C5: variants seen among roughly 807,000 people sequenced by gnomAD.
C5 encodes the protein C3 and PZP-like alpha-2-macroglobulin domain-containing protein 4.
C5 carries 140 observed loss-of-function variants against 218.8 expected under a neutral mutation model. The observed-to-expected ratio is 0.64, with a 90% CI of 0.56 to 0.74. The LOEUF (loss-of-function observed/expected upper bound fraction) is 0.74, where lower values mean the gene tolerates loss of function less well. Ranked by LOEUF, C5 falls within the 30% of genes least tolerant of loss-of-function variation. C5 has a pLI of 0.00. For synonymous variants in C5, 614 were observed against 682.3 expected, an observed-to-expected ratio of 0.90 and a Z score of 1.56; for missense variants, 1,700 against 1,969.6, an observed-to-expected ratio of 0.86 and a Z score of 2.59.
chr9:121,036,882 GT>G (rs199841708), intron 4 of C5, among the ~76,000 whole-genome samples: 15 of 147,644 alleles, frequency 1.0e-4, no homozygotes, highest in South Asian at 2.1e-4. Flanking sequence ...TTATTTTTTG[GT>G]TTTTTTTTTG....
the C5 span, chr9:121,074,662 G>A: frequency 2.7e-6 from 1 of 375,638 alleles, no homozygotes; most frequent in Non-Finnish European, 5.3e-6. Context: ...AGAGGGTGGC[G>A]GCGGCAGCTT....
chr9:120,990,431 T>C (rs2047068587), intron 23 of C5, among the ~76,000 whole-genome samples: 2 of 152,226 alleles, frequency 1.3e-5, no homozygotes, highest in Admixed American at 6.5e-5. Flanking sequence ...TGTATATGTC[T>C]CTCCAAAATT....
chr9:121,072,241 C>G, the C5 span, among the ~76,000 whole-genome samples: 34 of 152,068 alleles, frequency 2.2e-4, no homozygotes, highest in Non-Finnish European at 4.3e-4. Context: ...TTTGCGCCAC[C>G]CTCTGGACTT....
At chr9:120,975,266 G>A (rs985236009) in intron 29 of C5, among the ~76,000 whole-genome samples, 10 of 152,114 alleles carry the variant, frequency 6.6e-5, no homozygotes, top group Non-Finnish European at 1.5e-4. Flanking sequence ...CTGACCTTAA[G>A]TATCTCCACA....
intron 5 of C5, among the ~76,000 whole-genome samples, chr9:121,034,574 A>G (rs2047506819): frequency 6.6e-6 from 1 of 152,072 alleles, no homozygotes; most frequent in African/African-American, 2.4e-5. Context: ...CCTGGGTACT[A>G]TTTTTTCCTC....
In C5 at chr9:121,027,188, AT is replaced by A; in HGVS notation, c.844del (p.Met282Ter). ...REDLKDDQKE[M>X]MQTAMQNTML... is the part of the protein sequence containing the mutation. ...TGTGTTTTGCATTGCTGTTTGCATC[AT>A]TTCTTTTTGATCATCTTTTAAGTCT... On this transcript the variant is annotated frameshift_variant, in exon 8 of 41. Coordinates refer to ENST00000223642, the MANE Select transcript of C5 (RefSeq NM_001735.3). LOFTEE classifies it high-confidence loss of function. The A allele has an allele frequency of 6.3e-7, 1 of 1,596,696 alleles. No individual in the cohort carries two copies. The highest frequency in any genetic ancestry group is 8.6e-7 in the Non-Finnish European group (1 of 1,166,660).
At chr9:121,051,001 CAT>C (rs146166893), upstream of C5, among the ~76,000 whole-genome samples, 29 of 151,988 alleles carry the variant, frequency 1.9e-4, no homozygotes, top group East Asian at 2.7e-3. Flanking sequence ...AAAGAAAACA[CAT>C]GTTATACTTT....
intron 28 of C5, among the ~76,000 whole-genome samples, chr9:120,979,264 T>C (rs991053961): frequency 6.6e-6 from 1 of 152,206 alleles, no homozygotes; most frequent in Non-Finnish European, 1.5e-5. Flanking sequence ...AGGAATTGCT[T>C]CTTCACCTCC....
At chr9:121,068,124 C>T in the C5 span, among the ~76,000 whole-genome samples, 1 of 151,956 alleles carries the variant, frequency 6.6e-6, no homozygotes, top group Non-Finnish European at 1.5e-5. Flanking sequence ...ATTGGAAGAA[C>T]TAGCAAGTGC....
At chr9:121,002,238 GTATA>G (rs1369875646) in intron 20 of C5, among the ~76,000 whole-genome samples, 3 of 58,590 alleles carry the variant, frequency 5.1e-5, no homozygotes, top group Middle Eastern at 0.012. Context: ...ATGTATATAT[GTATA>G]TGTATATATA....
chr9:120,964,374 G>A (rs1237055574), intron 33 of C5, among the ~76,000 whole-genome samples: 1 of 152,148 alleles, frequency 6.6e-6, no homozygotes, highest in Non-Finnish European at 1.5e-5. Flanking sequence ...CTAACTACAG[G>A]AGAATTGCTT....
chr9:120,984,714 CTTTTTTTTTTTTT>C (rs149222003), intron 25 of C5, among the ~76,000 whole-genome samples: 3 of 69,212 alleles, frequency 4.3e-5, no homozygotes, highest in Admixed American at 4.2e-4. Flanking sequence ...TAAGCTCTTA[CTTTTTTTTTTTTT>C]TTTTTTTTTT....
intron 30 of C5, among the ~76,000 whole-genome samples, chr9:120,973,134 C>G (rs982975656): frequency 3.3e-5 from 5 of 152,146 alleles, no homozygotes; most frequent in African/African-American, 1.2e-4. Context: ...TTTCATGGAA[C>G]ACATTTCAGG....
chr9:120,981,952 A>G lies in C5; in HGVS notation c.3391-13T>C, dbSNP rs1438177822. On this transcript the variant is annotated splice_polypyrimidine_tract_variant and intron_variant, in intron 26 of 40. Coordinates refer to ENST00000223642, the MANE Select transcript of C5 (RefSeq NM_001735.3). Reference sequence around the variant, plus strand: ...CAGGCAAGGTACCCTAAAAAGAAGCAATGTTTTAAAAGGGGAGTGAAATGG... The same window carrying G: ...CAGGCAAGGTACCCTAAAAAGAAGCGATGTTTTAAAAGGGGAGTGAAATGG... The G allele has an allele frequency of 2.5e-6, 4 of 1,579,240 alleles. No homozygotes were observed. Among genetic ancestry groups the G allele is most frequent in the Non-Finnish European group, 3.5e-6 (4 of 1,148,564 alleles).
At chr9:121,031,231 A>G (rs1235217846) in intron 6 of C5, among the ~76,000 whole-genome samples, 4 of 144,066 alleles carry the variant, frequency 2.8e-5, no homozygotes, top group Non-Finnish European at 6.1e-5. Flanking sequence ...AAACTACTAT[A>G]AGAAATGAAA....
At chr9:121,013,067 C>T (rs1051108690) in intron 17 of C5, among the ~76,000 whole-genome samples, 39 of 152,184 alleles carry the variant, frequency 2.6e-4, no homozygotes, top group African/African-American at 9.2e-4. Context: ...CGCCTGTAAT[C>T]TCAGCACTTT....
intron 12 of C5, 85 bp downstream of exon 12, chr9:121,019,891 A>C (rs529111915): frequency 2.4e-6 from 2 of 848,924 alleles, no homozygotes; most frequent in African/African-American, 3.4e-5. Context: ...TAAAAGTATA[A>C]AGGATAATTC....
chr9:121,025,108 G>C (rs1260600488), intron 9 of C5, among the ~76,000 whole-genome samples: 2 of 152,000 alleles, frequency 1.3e-5, no homozygotes, highest in African/African-American at 4.8e-5. Context: ...ATCTTATTTT[G>C]GTTTTGATTT....
chr9:121,016,481 G>T, intron 14 of C5, 98 bp from the exon 15 acceptor site: 1 of 1,445,042 alleles, frequency 6.9e-7, no homozygotes, highest in Non-Finnish European at 9.7e-7. Flanking sequence ...TCACAAACCA[G>T]TGAAATACAC....
Sources: allele counts gnomAD v4.1 joint callset (sites outside exome capture counted in the v4.1 genomes callset), GRCh38; gene constraint gnomAD v4.1.1; transcripts MANE v1.5; gene names NCBI Gene and HGNC (gene_info 2026-07-23, HGNC 2026-07-21).